ATXN7L3: variants seen among roughly 807,000 people sequenced by gnomAD.
ATXN7L3 encodes ataxin 7 like 3.
ATXN7L3 carries 6 observed loss-of-function variants against 50.0 expected under a neutral mutation model. The ratio of observed to expected loss-of-function variants is 0.12; its 90% CI spans 0.07 to 0.24. The LOEUF (loss-of-function observed/expected upper bound fraction) is 0.24, where lower values mean the gene tolerates loss of function less well. Among genes scored for constraint, ATXN7L3 ranks in the 10% least tolerant of loss-of-function variants. The pLI, the probability that ATXN7L3 is intolerant of heterozygous loss-of-function variation, is 1.00. For missense variants in ATXN7L3, 322 were observed against 451.3 expected (o/e 0.71, Z 2.60); for synonymous variants, 198 against 165.8 (o/e 1.19, Z -1.49).
rs1402852706 is a variant in ATXN7L3, at chr17:44,199,762, C to T, written c.-327G>A. The T allele has an allele frequency of 5.5e-5, 8 of 145,752 alleles. No homozygotes were observed. Among genetic ancestry groups the T allele is most frequent in the Non-Finnish European group, 1.2e-4 (8 of 65,426 alleles). 9.0% of individuals were successfully genotyped at this position (145,752 alleles called of 1,614,324 possible). A position where few individuals can be genotyped will look rare whatever the true frequency, so the allele number is the denominator to read the frequency against. Reference sequence around the variant, plus strand: ...GCCCGCGCGCAGTCCGCGCGCCGTCCGCGCGCCCCTCCCCCCGCCCCCCAC... The same window carrying T: ...GCCCGCGCGCAGTCCGCGCGCCGTCTGCGCGCCCCTCCCCCCGCCCCCCAC... On this transcript the variant is annotated 5_prime_UTR_variant, in exon 1 of 13. Transcript: ENST00000587097.
Position 44,194,317 on chromosome 17 carries a change from C to T in ATXN7L3, c.990G>A (p.Lys330=), listed in dbSNP as rs769105487. Residue 330 remains lysine (K), a synonymous_variant, in exon 13 of 13, where the codon AAG becomes AAA. Coordinates refer to ENST00000587097, the MANE Select transcript of ATXN7L3 (RefSeq NM_001382309.1). ...TCGGGGGTGCCGGTGGCTTTGGCTTCTTCTTCTTGTTGGAACCTAGGCCGG... is the reference window on the plus strand; with the variant it reads ...TCGGGGGTGCCGGTGGCTTTGGCTTTTTCTTCTTGTTGGAACCTAGGCCGG... The part of the protein sequence containing the change: ...TASGLGSNKK[K]KPKPPAPPTP... The T allele has an allele frequency of 2.5e-6, 4 of 1,614,204 alleles. No individual in the cohort carries two copies. The highest frequency in any genetic ancestry group is 3.4e-6 in the Non-Finnish European group (4 of 1,180,032).
Position 44,195,109 on chromosome 17 carries a change from T to A in ATXN7L3, c.653A>T (p.Lys218Met). 1 of 1,614,162 alleles carries A rather than the reference T, an allele frequency of 6.2e-7. No individual in the cohort carries two copies. The highest frequency in any genetic ancestry group is 1.1e-5 in the South Asian group (1 of 91,080). ...GTTCTGTGCTCACCTTGTGCACATCTTCTTGGTGTGTTCAGAAATCACCCC... is the reference window on the plus strand; with the variant it reads ...GTTCTGTGCTCACCTTGTGCACATCATCTTGGTGTGTTCAGAAATCACCCC... Reference protein sequence around the residue: ...QCGVISEHTKKMCTRSLRCPQ... With the variant: ...QCGVISEHTKMMCTRSLRCPQ... Residue 218 changes from lysine to methionine, a missense_variant, in exon 10 of 13, where the codon AAG becomes ATG. Transcript: ENST00000587097.
rs142032853 is a variant in ATXN7L3 at position 44,197,623 on chromosome 17, C to T, written c.159G>A (p.Thr53=). 10 of 1,614,224 alleles carry T rather than the reference C, an allele frequency of 6.2e-6. No homozygotes were observed. Among genetic ancestry groups the T allele is most frequent in the African/African-American group, 4.0e-5 (3 of 75,052 alleles). Residue 53 remains threonine (T), a synonymous_variant, in exon 3 of 13, where the codon ACG becomes ACA. Transcript: ENST00000587097. ...VKCGYFFLDD[T]DPDSMKDFEI... is the part of the protein sequence containing the mutation. The stretch of plus-strand genomic sequence containing the variant: ...CAAAATCCTTCATGCTATCAGGGTC[C>T]GTGTCGTCCAAGAAGAAGTAGCCAC...
At chr17:44,195,053 G>GT in intron 10 of ATXN7L3, 44 bp downstream of exon 10, 1 of 1,605,420 alleles carries the variant, frequency 6.2e-7, no homozygotes, top group African/African-American at 1.3e-5. Flanking sequence ...CCCATGGTGA[G>GT]TGTGCAGGAA....
chr17:44,197,205 A>G (rs1333475228), intron 4 of ATXN7L3, 23 bp downstream of exon 4: 1 of 1,579,710 alleles, frequency 6.3e-7, no homozygotes, highest in Non-Finnish European at 8.6e-7. Flanking sequence ...GCTGCAGAGA[A>G]CGGGCAGCTC....
chr17:44,199,462 C>T (rs934029296), intron 1 of ATXN7L3, 34 bp downstream of exon 1: 2 of 145,284 alleles, frequency 1.4e-5, no homozygotes, highest in African/African-American at 5.0e-5. Flanking sequence ...AGGCCCCTCC[C>T]CCGTCCCCGT....
chr17:44,195,227 C>G (rs1206063208), intron 9 of ATXN7L3, 87 bp from the exon 10 acceptor site: 1 of 1,488,510 alleles, frequency 6.7e-7, no homozygotes, highest in Non-Finnish European at 9.4e-7. Context: ...TGCTAGATAG[C>G]ACAAGCAGAG....
rs188509705 is a variant in ATXN7L3, at chr17:44,192,563, T to G, written c.*1700A>C. On this transcript the variant is annotated 3_prime_UTR_variant, in exon 13 of 13. Transcript: ENST00000587097. ...CTGAGATCCTCCTCTCCCTCTGGCC[T>G]CCTCTCGGAGGGAGACTACGGAGGG... is the stretch of plus-strand genomic sequence containing the variant. The G allele has an allele frequency of 8.0e-4, 121 of 151,540 alleles. No homozygotes were observed. The highest frequency in any genetic ancestry group is 2.8e-3 in the African/African-American group (116 of 41,272). The allele number at this position is 151,540 out of a possible 1,614,324, so 9.4% of individuals were successfully genotyped here.
intron 1 of ATXN7L3, 30 bp from the exon 2 acceptor site, chr17:44,198,160 T>C: frequency 7.5e-7 from 1 of 1,340,270 alleles, no homozygotes; most frequent in Non-Finnish European, 1.1e-6. Flanking sequence ...GGTGTTGTTG[T>C]GAGTCCAAGG....
chr17:44,196,976 T>C lies in ATXN7L3; in HGVS notation c.407A>G (p.Asn136Ser). The change falls in exon 5 of 13, where the codon AAT (asparagine) becomes AGT (serine). Residue 136 changes from asparagine (N) to serine (S), a missense_variant. Physicochemically the swap from Asn to Ser is conservative, Grantham distance 46 (BLOSUM62 1). This residue lies in a region of ATXN7L3 where 95 missense variants were observed against 98.1 expected (regional missense o/e 0.97). Transcript: ENST00000587097. ...CCAGTCGTTGTCATTGATGTCATCA[T>C]TATCTTCTTGGTCACTCTCAGACTT... ...MNKSESDQED[N>S]DDINDNDWSY... The C allele has an allele frequency of 6.2e-7, 1 of 1,613,490 alleles. No homozygotes were observed. Among genetic ancestry groups the C allele is most frequent in the Non-Finnish European group, 8.5e-7 (1 of 1,179,726 alleles).
rs765017230 is a variant in ATXN7L3 at position 44,194,429 on chromosome 17, C to A, written c.896-18G>T. ...GTTGGTACCTGTAGAGAAAGAGACA[C>A]AAGGGATGAGAGTATGGTTATGGCA... On this transcript the variant is annotated intron_variant, in intron 12 of 12. Transcript: ENST00000587097. The A allele has an allele frequency of 2.2e-5, 35 of 1,613,824 alleles. No homozygotes were observed. The highest frequency in any genetic ancestry group is 2.6e-5 in the Non-Finnish European group (31 of 1,179,980).
At chr17:44,198,286 G>A (rs2055996641) in intron 1 of ATXN7L3, 156 bp from the exon 2 acceptor site, 2 of 550,688 alleles carry the variant, frequency 3.6e-6, no homozygotes, top group African/African-American at 1.9e-5. Context: ...GTCCTTCAAG[G>A]CCTGAAACCT....
chr17:44,195,257 A>G (rs2055840957), intron 9 of ATXN7L3, 117 bp from the exon 10 acceptor site: 1 of 1,360,810 alleles, frequency 7.3e-7, no homozygotes, highest in Non-Finnish European at 1.0e-6. Context: ...AGGTGTCCAG[A>G]GCAGATGGTC....
Position 44,194,118 on chromosome 17 carries a change from G to T in ATXN7L3, c.*145C>A. 9.3e-7 allele frequency: 1 copy of T among 1,072,420 alleles called. No homozygotes were observed. 66.4% of individuals were successfully genotyped at this position (1,072,420 alleles called of 1,614,324 possible). ...GAGGACTTTGACACCCCCCAGGGGC[G>T]CATAATCGGATCCTCTGCCTGCCTG... is the stretch of plus-strand genomic sequence containing the variant. On this transcript the variant is annotated 3_prime_UTR_variant, in exon 13 of 13. Coordinates refer to ENST00000587097, the MANE Select transcript of ATXN7L3 (RefSeq NM_001382309.1).
In ATXN7L3 at chr17:44,193,185, C is replaced by G. The variant is rs1441635876; in HGVS notation, c.*1078G>C. On this transcript the variant is annotated 3_prime_UTR_variant, in exon 13 of 13. Transcript: ENST00000587097. The stretch of plus-strand genomic sequence containing the variant: ...CAAGATTAGGATTTTCCTCAGAGCC[C>G]CAAACCACAAGTACAGAATAAATAA... The G allele has an allele frequency of 6.6e-6, 1 of 152,202 alleles. No individual in the cohort carries two copies. Among genetic ancestry groups the G allele is most frequent in the Non-Finnish European group, 1.5e-5 (1 of 68,064 alleles). 9.4% of individuals were successfully genotyped at this position (152,202 alleles called of 1,614,324 possible). A position where few individuals can be genotyped will look rare whatever the true frequency, so the allele number is the denominator to read the frequency against.
At position 44,194,586 on chromosome 17, in the gene ATXN7L3, C is replaced by A; in HGVS notation, c.826G>T (p.Gly276Cys). 1 of 1,613,806 alleles carries A rather than the reference C, an allele frequency of 6.2e-7. No homozygotes were observed. Among genetic ancestry groups the A allele is most frequent in the Non-Finnish European group, 8.5e-7 (1 of 1,179,982 alleles). Residue 276 changes from glycine to cysteine, a missense_variant, in exon 12 of 13, where the codon GGC becomes TGC. Gly to Cys is a radical substitution (Grantham distance 159, BLOSUM62 -3). This residue lies in a region of ATXN7L3 where 122 missense variants were observed against 130.8 expected (regional missense o/e 0.93). Coordinates refer to ENST00000587097, the MANE Select transcript of ATXN7L3 (RefSeq NM_001382309.1). The stretch of plus-strand genomic sequence containing the variant: ...TCAGAGGGTGAGAGGTCAGAGGAGC[C>A]GTCCCACTGAAGCCGGCTGATCAGG... ...QALISRLQWD[G>C]SSDLSPSDSG...
In ATXN7L3 at chr17:44,195,947, C is replaced by G; in HGVS notation, c.523+87G>C. On this transcript the variant is annotated intron_variant, in intron 7 of 12. Transcript: ENST00000587097. ...GGATCACAGGCCCTCCCTCAATTCC[C>G]CTATCCCCGGGCCCCACCTCCACCC... 4 of 1,563,504 alleles carry G rather than the reference C, an allele frequency of 2.6e-6. No individual in the cohort carries two copies. The South Asian group carries it at 4.6e-5, about 18-fold the overall frequency.
intron 5 of ATXN7L3, 56 bp from the exon 6 acceptor site, chr17:44,196,474 G>A (rs376287994): frequency 1.9e-6 from 3 of 1,610,158 alleles, no homozygotes; most frequent in African/African-American, 1.3e-5. Context: ...CAATCTAAAA[G>A]CATCTCAAGA....
At chr17:44,195,306 A>G in intron 9 of ATXN7L3, 113 bp downstream of exon 9, 4 of 1,377,628 alleles carry the variant, frequency 2.9e-6, no homozygotes, top group Non-Finnish European at 3.1e-6. Context: ...TTCCAGACAG[A>G]GAGAACGATA....
Sources: gnomAD v4.1 joint callset for allele counts on GRCh38, gnomAD v4.1.1 for gene constraint, gnomAD v4.1.1 regional missense constraint, MANE v1.5 for transcripts, NCBI Gene and HGNC (gene_info 2026-07-23, HGNC 2026-07-21) for gene names.